The following UPF2 variants were observed in gnomAD, a reference collection of about 807,000 sequenced individuals.
UPF2 encodes the protein regulator of nonsense transcripts 2.
A neutral mutation model predicts 141.4 loss-of-function variants in UPF2; 17 were observed. The observed-to-expected ratio is 0.12, with a 90% CI of 0.08 to 0.18. The LOEUF (loss-of-function observed/expected upper bound fraction) is 0.18. Ranked by LOEUF, UPF2 falls within the 10% of genes least tolerant of loss-of-function variation. UPF2 has a pLI of 1.00. For missense variants in UPF2, 1,152 were observed against 1,515.9 expected (o/e 0.76, Z 3.99); for synonymous variants, 540 against 498.0 (o/e 1.08, Z -1.12).
rs779704081 is a variant in UPF2 at position 12,031,157 on chromosome 10, G to A, written c.366-1633C>T. On this transcript the variant is annotated intron_variant, in intron 2 of 21. Transcript: ENST00000357604. ...CCACTGCAGTCCGGCCTGGGCGAAA[G>A]AGCAAGACTCCATCTCAAAAAAAAA... Among the ~76,000 whole-genome samples the A allele has an allele frequency of 1.5e-3, 190 of 131,006 alleles. 1 individual carries two copies. Among genetic ancestry groups the A allele is most frequent in the Admixed American group, 2.2e-3 (26 of 11,654 alleles). The allele number at this position is 131,006 out of a possible 152,430, so 85.9% of individuals were successfully genotyped here. A position where few individuals can be genotyped will look rare whatever the true frequency, so the allele number is the denominator to read the frequency against.
chr10:11,980,474 G>T lies in UPF2; in HGVS notation c.1845-1309C>A, dbSNP rs1050215660. Among the ~76,000 whole-genome samples, 4 of 152,134 alleles carry T rather than the reference G, an allele frequency of 2.6e-5. No homozygotes were observed. The highest frequency in any genetic ancestry group is 2.1e-4 in the South Asian group (1 of 4,830). On this transcript the variant is annotated intron_variant, in intron 8 of 21. Coordinates refer to ENST00000357604, the MANE Select transcript of UPF2 (RefSeq NM_015542.4). This position sits in a 1 kb window ranked among gnomAD's most constrained non-coding sequence, Gnocchi z 4.2. ...TTATCGCTGAGTGGAGGCCGGGCAC[G>T]GTGGCTCACATCTGTAATCCCAGCA...
rs112068958 is a variant in UPF2 at position 12,033,581 on chromosome 10, G to A, written c.365+1478C>T. Among the ~76,000 whole-genome samples, 256 of 152,052 alleles carry A rather than the reference G, an allele frequency of 1.7e-3. 1 individual carries two copies. Among genetic ancestry groups the A allele is most frequent in the African/African-American group, 5.7e-3 (237 of 41,478 alleles). ...TATATTAGCAAATATCCTTAAGACA[G>A]TACCAATGAAGTTAAATTCTACAAG... On this transcript the variant is annotated intron_variant, in intron 2 of 21. Coordinates refer to ENST00000357604, the MANE Select transcript of UPF2 (RefSeq NM_015542.4).
At chr10:11,966,413 C>T (rs892081581) in intron 10 of UPF2, among the ~76,000 whole-genome samples, 1 of 148,978 alleles carries the variant, frequency 6.7e-6, no homozygotes, top group East Asian at 1.9e-4. Flanking sequence ...TCATTACAAA[C>T]CAGCCTTATT....
chr10:11,956,223 T>C lies in UPF2; in HGVS notation c.2574+97A>G. 1.8e-6 allele frequency: 2 copies of C among 1,118,232 alleles called. No homozygotes were observed. Among genetic ancestry groups the C allele is most frequent in the Non-Finnish European group, 2.6e-6 (2 of 766,028 alleles). The allele number at this position is 1,118,232 out of a possible 1,614,324, so 69.3% of individuals were successfully genotyped here. On this transcript the variant is annotated intron_variant, in intron 13 of 21. Transcript: ENST00000357604. This position sits in a 1 kb window ranked among gnomAD's most constrained non-coding sequence, Gnocchi z 4.2. ...TTATCAGCTTTTTCTAACTAATAAA[T>C]TTACAGATTCCTATAACTTGAGTCT...
chr10:12,001,733 C>G lies in UPF2; in HGVS notation c.1597G>C (p.Glu533Gln), dbSNP rs1473984809. ...TCAGCTTCATCTCCACCCTCTAATT[C>G]TAAGGTGTCATCATTAATTTCTAGA... Reference protein sequence around the residue: ...ENLEINDDTLELEGGDEAEDL... With the variant: ...ENLEINDDTLQLEGGDEAEDL... The change falls in exon 6 of 22, where the codon GAA becomes CAA. Residue 533 changes from glutamate (E) to glutamine (Q), a missense_variant. Transcript: ENST00000357604. 15 of 1,613,288 alleles carry G rather than the reference C, an allele frequency of 9.3e-6. No homozygotes were observed. The highest frequency in any genetic ancestry group is 1.3e-5 in the Non-Finnish European group (15 of 1,179,750).
chr10:11,921,538 T>C lies in UPF2; in HGVS notation c.3810-231A>G, dbSNP rs1373428167. ...CAATACAGTATATCAACTATCTCCA[T>C]AGCATCTACACTTTATTAGGTATTA... On this transcript the variant is annotated intron_variant, in intron 21 of 21. Transcript: ENST00000357604. The surrounding 1 kb of genome is among the most constrained non-coding windows in gnomAD (Gnocchi z 5.9). 2.6e-5 allele frequency among the ~76,000 whole-genome samples: 4 copies of C among 151,776 alleles called. No homozygotes were observed. Among genetic ancestry groups the C allele is most frequent in the African/African-American group, 9.7e-5 (4 of 41,268 alleles).
At chr10:11,967,952 T>G (rs1017159817) in intron 9 of UPF2, among the ~76,000 whole-genome samples, 1 of 152,220 alleles carries the variant, frequency 6.6e-6, no homozygotes, top group East Asian at 1.9e-4. Context: ...GAGGCCGAGG[T>G]TGGCGGATCA....
intron 6 of UPF2, among the ~76,000 whole-genome samples, chr10:12,000,907 C>T (rs1206332883): frequency 3.3e-5 from 5 of 152,150 alleles, no homozygotes; most frequent in East Asian, 3.9e-4. Flanking sequence ...ACAAACACAA[C>T]TCAATTATAA....
intron 18 of UPF2, among the ~76,000 whole-genome samples, chr10:11,938,853 G>GTTTTTTTGTTTTTTTTTTTTTT (rs1832890068): frequency 2.5e-5 from 2 of 79,816 alleles, no homozygotes; most frequent in African/African-American, 1.0e-4. Context: ...TTTTTTTTTT[G>GTTTTTTTGTTTTTTTTTTTTTT]TTTTTTTTTT....
chr10:11,994,044 T>C (rs1833825923), intron 8 of UPF2, among the ~76,000 whole-genome samples: 1 of 151,780 alleles, frequency 6.6e-6, no homozygotes, highest in South Asian at 2.1e-4. Flanking sequence ...ACAACTCATA[T>C]ATGAAGTGCT....
Position 11,920,974 on chromosome 10 carries a change from C to T in UPF2, c.*324G>A, listed in dbSNP as rs762607125. ...CCCGTTTCTTCTCTGGCTCAATCAT[C>T]TCCTTCACGCTCTCCTTGGTGTAAC... On this transcript the variant is annotated 3_prime_UTR_variant, in exon 22 of 22. Coordinates refer to ENST00000357604, the MANE Select transcript of UPF2 (RefSeq NM_015542.4). 5 of 594,602 alleles carry T rather than the reference C, an allele frequency of 8.4e-6. No homozygotes were observed. In the Admixed American group the frequency reaches 9.5e-5, roughly 11 times the overall value. The allele number at this position is 594,602 out of a possible 1,614,324, so 36.8% of individuals were successfully genotyped here. A position where few individuals can be genotyped will look rare whatever the true frequency, so the allele number is the denominator to read the frequency against.
In UPF2 at chr10:12,004,723, A is replaced by G. The variant is rs369313012; in HGVS notation, c.1311T>C (p.His437=). ...LPQDKPTPEE[H]GPGIDIFTPG... is the part of the protein sequence containing the mutation. ...GTGTGAATATATCAATTCCAGGCCCATGTTCTACAATAAAATAAATCACAA... is the reference window on the plus strand; with the variant it reads ...GTGTGAATATATCAATTCCAGGCCCGTGTTCTACAATAAAATAAATCACAA... The change falls in exon 5 of 22, where the codon CAT becomes CAC. Residue 437 remains histidine (H), a synonymous_variant. Transcript: ENST00000357604. The G allele has an allele frequency of 4.3e-6, 7 of 1,609,936 alleles. No individual in the cohort carries two copies. The African/African-American group carries it at 9.4e-5, about 22-fold the overall frequency.
At chr10:11,988,007 G>T (rs1833721457) in intron 8 of UPF2, among the ~76,000 whole-genome samples, 1 of 152,124 alleles carries the variant, frequency 6.6e-6, no homozygotes, top group South Asian at 2.1e-4. Flanking sequence ...TCCAAATTAT[G>T]TATCTGATAA....
chr10:12,018,615 G>A (rs1490664580), intron 3 of UPF2, among the ~76,000 whole-genome samples: 1 of 151,852 alleles, frequency 6.6e-6, no homozygotes, highest in Non-Finnish European at 1.5e-5. Flanking sequence ...AGTTGGATGC[G>A]GTGGTGGGCA....
In UPF2 at chr10:11,943,103, T is replaced by C. The variant is rs368189597; in HGVS notation, c.3240A>G (p.Thr1080=). Residue 1080 remains threonine (T), a synonymous_variant, in exon 17 of 22, where the codon ACA becomes ACG. Transcript: ENST00000357604. ...CGGTTTCATTTTCCTTATTGGAATC[T>C]GTAAGGTAATCTGTATTCTCTTCCT... ...EEEEENTDYL[T]DSNKENETDE... The C allele has an allele frequency of 6.2e-7, 1 of 1,612,424 alleles. No homozygotes were observed. The highest frequency in any genetic ancestry group is 8.5e-7 in the Non-Finnish European group (1 of 1,179,526).
Position 11,939,031 on chromosome 10 carries a change from AC to A in UPF2, c.3379-2320del. Among the ~76,000 whole-genome samples the A allele has an allele frequency of 6.7e-6, 1 of 149,992 alleles. No homozygotes were observed. Among genetic ancestry groups the A allele is most frequent in the Non-Finnish European group, 1.5e-5 (1 of 67,406 alleles). Reference sequence around the variant, plus strand: ...GGGACTACAGGCACCCACCACCACAACCAGCTAATTTTTTGTATTTACTGGA... The same window carrying A: ...GGGACTACAGGCACCCACCACCACAACAGCTAATTTTTTGTATTTACTGGA... On this transcript the variant is annotated intron_variant, in intron 18 of 21. Transcript: ENST00000357604. The surrounding 1 kb of genome is among the most constrained non-coding windows in gnomAD (Gnocchi z 4.8).
chr10:12,027,357 A>G (rs1221822252), intron 3 of UPF2, among the ~76,000 whole-genome samples: 1 of 152,250 alleles, frequency 6.6e-6, no homozygotes, highest in African/African-American at 2.4e-5. Context: ...ATACACCCTC[A>G]AAGTAGCCAA....
chr10:12,040,143 G>C (rs1472075531), intron 1 of UPF2, among the ~76,000 whole-genome samples: 1 of 152,090 alleles, frequency 6.6e-6, no homozygotes, highest in Non-Finnish European at 1.5e-5. Flanking sequence ...ACTCGGGGCT[G>C]GGCATGGTGG....
intron 7 of UPF2, 101 bp downstream of exon 7, chr10:11,999,805 G>A: frequency 1.1e-6 from 1 of 938,698 alleles, no homozygotes; most frequent in Non-Finnish European, 1.7e-6. Flanking sequence ...AGAAATGGTG[G>A]ACTTTGTAGC....
Sources: allele counts gnomAD v4.1 joint callset (sites outside exome capture counted in the v4.1 genomes callset), GRCh38; gene constraint gnomAD v4.1.1; non-coding constraint Gnocchi (gnomAD v3.1); transcripts MANE v1.5; gene names NCBI Gene and HGNC (gene_info 2026-07-23, HGNC 2026-07-21).